TTC7B: variants seen among roughly 807,000 people sequenced by gnomAD.
The protein encoded by TTC7B is tetratricopeptide repeat protein 7B.
A neutral mutation model predicts 106.8 loss-of-function variants in TTC7B; 28 were observed. The observed-to-expected ratio is 0.26, with a 90% CI of 0.19 to 0.36. The LOEUF (loss-of-function observed/expected upper bound fraction) is 0.36, where lower values mean the gene tolerates loss of function less well. TTC7B is among the 10% of genes least tolerant of loss of function. The probability of loss-of-function intolerance (pLI) is 1.00; values close to 1 mark genes in which losing one functional copy is unlikely to be tolerated. For synonymous variants in TTC7B, 405 were observed against 430.6 expected (o/e 0.94, Z 0.74); for missense variants, 862 against 1,076.4 (o/e 0.80, Z 2.79).
At chr14:90,747,745 G>A (rs188481998) in intron 3 of TTC7B, among the ~76,000 whole-genome samples, 1 of 152,242 alleles carries the variant, frequency 6.6e-6, no homozygotes, top group Admixed American at 6.5e-5. Flanking sequence ...AAGCATAACT[G>A]TGCATTTGCC....
chr14:90,728,987 A>G (rs1233073379), intron 5 of TTC7B, among the ~76,000 whole-genome samples: 1 of 152,230 alleles, frequency 6.6e-6, no homozygotes, highest in African/African-American at 2.4e-5. Context: ...TGCTCAAATG[A>G]TCTCAATCAG....
chr14:90,650,131 A>G (rs747005674), intron 13 of TTC7B, among the ~76,000 whole-genome samples: 4 of 152,224 alleles, frequency 2.6e-5, no homozygotes, highest in African/African-American at 7.2e-5. Context: ...AAGGCTGATC[A>G]ATGCTGACCC....
intron 15 of TTC7B, among the ~76,000 whole-genome samples, chr14:90,625,139 G>A (rs75429022): frequency 1.3e-5 from 2 of 152,196 alleles, no homozygotes; most frequent in African/African-American, 4.8e-5. Flanking sequence ...GGGCAAGTAT[G>A]TTGAAATTTT....
At chr14:90,806,832 G>A (rs920480511) in intron 1 of TTC7B, among the ~76,000 whole-genome samples, 2 of 152,098 alleles carry the variant, frequency 1.3e-5, no homozygotes, top group Admixed American at 6.5e-5. Flanking sequence ...GCTTGAGCCT[G>A]CGAGGTTGAG....
rs1326424774 is a variant in TTC7B at position 90,726,197 on chromosome 14, T to G, written c.698+3878A>C. ...GCAATGACTCAAGTAGGGAGTAACA[T>G]TATCTTCTCAGAAGGCCGAGGGGAA... On this transcript the variant is annotated intron_variant, in intron 5 of 19. Transcript: ENST00000328459. Among the ~76,000 whole-genome samples the G allele has an allele frequency of 5.3e-5, 8 of 152,312 alleles. No homozygotes were observed. The East Asian group carries it at 1.4e-3, about 26-fold the overall frequency.
intron 6 of TTC7B, among the ~76,000 whole-genome samples, chr14:90,691,125 GAAA>G (rs1456357727): frequency 2.6e-5 from 4 of 152,056 alleles, no homozygotes; most frequent in Non-Finnish European, 5.9e-5. Context: ...ACTTTTGCTG[GAAA>G]CTTCAACTGG....
intron 15 of TTC7B, among the ~76,000 whole-genome samples, chr14:90,639,887 G>A (rs1008101225): frequency 3.3e-5 from 5 of 152,178 alleles, no homozygotes; most frequent in South Asian, 2.1e-4. Context: ...CCTCAGGAAC[G>A]GGATGTTAAG....
chr14:90,601,934 T>C (rs781331615), intron 17 of TTC7B: 4 of 340,220 alleles, frequency 1.2e-5, no homozygotes, highest in Non-Finnish European at 2.3e-5. Context: ...TGGCCCTTGA[T>C]GGTGAGAGGA....
At chr14:90,665,959 G>C (rs1172690110) in intron 9 of TTC7B, among the ~76,000 whole-genome samples, 1 of 152,092 alleles carries the variant, frequency 6.6e-6, no homozygotes, top group Non-Finnish European at 1.5e-5. Flanking sequence ...CAGACATTTT[G>C]GGCCATCACC....
chr14:90,664,730 T>C (rs1857019005), intron 9 of TTC7B, among the ~76,000 whole-genome samples: 1 of 152,158 alleles, frequency 6.6e-6, no homozygotes, highest in African/African-American at 2.4e-5. Context: ...AGCAGTCACA[T>C]GGTAAAGGCA....
intron 5 of TTC7B, among the ~76,000 whole-genome samples, chr14:90,724,525 A>G (rs777116098): frequency 2.0e-5 from 3 of 152,156 alleles, no homozygotes; most frequent in South Asian, 4.1e-4. Flanking sequence ...ATAACGAGTG[A>G]GTTCTCATGC....
chr14:90,797,996 C>G (rs1443402486), intron 1 of TTC7B, among the ~76,000 whole-genome samples: 2 of 152,182 alleles, frequency 1.3e-5, no homozygotes, highest in African/African-American at 4.8e-5. Context: ...TTGCACTGTC[C>G]CTGGGCTTGA....
At chr14:90,596,267 A>T (rs1892199052) in intron 17 of TTC7B, among the ~76,000 whole-genome samples, 1 of 152,130 alleles carries the variant, frequency 6.6e-6, no homozygotes, top group Non-Finnish European at 1.5e-5. Context: ...TGACTTTTGG[A>T]GGGGCTAATT....
chr14:90,699,699 G>A (rs139385713), intron 5 of TTC7B, among the ~76,000 whole-genome samples: 7 of 152,264 alleles, frequency 4.6e-5, no homozygotes, highest in East Asian at 3.9e-4. Flanking sequence ...CAAAGAAACC[G>A]TCTGCCTTTC....
intron 1 of TTC7B, among the ~76,000 whole-genome samples, chr14:90,797,666 A>G (rs1448751492): frequency 1.3e-5 from 2 of 152,128 alleles, no homozygotes; most frequent in East Asian, 1.9e-4. Flanking sequence ...ATTTCTACAA[A>G]GCAACTGACA....
chr14:90,652,931 G>A, intron 12 of TTC7B, 33 bp from the exon 13 acceptor site: 1 of 1,610,976 alleles, frequency 6.2e-7, no homozygotes, highest in Non-Finnish European at 8.5e-7. Flanking sequence ...CAGTGGCATG[G>A]GGGATCAGGG....
Position 90,618,055 on chromosome 14 carries a change from G to T in TTC7B, c.1752-10C>A, listed in dbSNP as rs760457562. On this transcript the variant is annotated splice_polypyrimidine_tract_variant and intron_variant, in intron 15 of 19. Transcript: ENST00000328459. Reference sequence around the variant, plus strand: ...TTTGGAAAACAGTAGTCTGCAGTGGGGAGACAAAGGGAGAAAACACCACGG... The same window carrying T: ...TTTGGAAAACAGTAGTCTGCAGTGGTGAGACAAAGGGAGAAAACACCACGG... 17 of 1,593,036 alleles carry T rather than the reference G, an allele frequency of 1.1e-5. No individual in the cohort carries two copies. Among genetic ancestry groups the T allele is most frequent in the Middle Eastern group, 3.3e-4 (2 of 6,048 alleles).
In TTC7B at chr14:90,759,157, G is replaced by C. The variant is rs1890417125; in HGVS notation, c.446-14235C>G. 6.7e-6 allele frequency among the ~76,000 whole-genome samples: 1 copy of C among 150,278 alleles called. No homozygotes were observed. The highest frequency in any genetic ancestry group is 1.5e-5 in the Non-Finnish European group (1 of 67,274). ...TTCTGTCCCACTCCGACCCACTCCGGAGAGCCACGCTCTGAGCCGCACATG... is the reference window on the plus strand; with the variant it reads ...TTCTGTCCCACTCCGACCCACTCCGCAGAGCCACGCTCTGAGCCGCACATG... On this transcript the variant is annotated intron_variant, in intron 3 of 19. Transcript: ENST00000328459. The surrounding 1 kb of genome is among the most constrained non-coding windows in gnomAD (Gnocchi z 4.1).
chr14:90,648,821 C>T lies in TTC7B; in HGVS notation c.1518-1798G>A, dbSNP rs544302421. 8 of 152,266 alleles carry T rather than the reference C, an allele frequency of 5.3e-5. No homozygotes were observed. The South Asian group carries it at 1.4e-3, about 28-fold the overall frequency. The allele number at this position is 152,266 out of a possible 1,614,324, so 9.4% of individuals were successfully genotyped here. On this transcript the variant is annotated intron_variant, in intron 13 of 19. Coordinates refer to ENST00000328459, the MANE Select transcript of TTC7B (RefSeq NM_001010854.2). Reference sequence around the variant, plus strand: ...ATAATTATTCAGGAAAAATAATACACAATTATGAAGAAATTTTTAGATTTA... The same window carrying T: ...ATAATTATTCAGGAAAAATAATACATAATTATGAAGAAATTTTTAGATTTA...
Sources: gnomAD v4.1 joint callset for allele counts (sites outside exome capture counted in the v4.1 genomes callset) on GRCh38, gnomAD v4.1.1 for gene constraint, Gnocchi (gnomAD v3.1) non-coding constraint, MANE v1.5 for transcripts, NCBI Gene and HGNC (gene_info 2026-07-23, HGNC 2026-07-21) for gene names.